The following FMNL2 variants were observed in gnomAD, a reference collection of about 807,000 sequenced individuals.
FMNL2 encodes the protein formin like 2, also known as formin-like protein 2.
FMNL2 carries 51 observed loss-of-function variants against 130.2 expected under a neutral mutation model. That is an observed-to-expected ratio of 0.39 (90% CI 0.31 to 0.49). The LOEUF (loss-of-function observed/expected upper bound fraction) is 0.49. Ranked by LOEUF, FMNL2 falls within the 20% of genes least tolerant of loss-of-function variation. The pLI, the probability that FMNL2 is intolerant of heterozygous loss-of-function variation, is 0.85. For missense variants in FMNL2, 977 were observed against 1,316.2 expected (o/e 0.74, Z 3.99); for synonymous variants, 465 against 467.1 (o/e 1.00, Z 0.06).
chr2:152,349,256 G>A (rs1171382098), intron 1 of FMNL2, among the ~76,000 whole-genome samples: 2 of 152,224 alleles, frequency 1.3e-5, no homozygotes, highest in Admixed American at 1.3e-4. Context: ...ACTCCGGGGT[G>A]CATTCCACTG....
intron 10 of FMNL2, among the ~76,000 whole-genome samples, chr2:152,610,992 G>T (rs1469435118): frequency 6.6e-6 from 1 of 152,200 alleles, no homozygotes; most frequent in African/African-American, 2.4e-5. Flanking sequence ...TGGGTGCGAA[G>T]TGGTGTCTTA....
intron 10 of FMNL2, among the ~76,000 whole-genome samples, chr2:152,609,022 A>G (rs960648728): frequency 3.9e-5 from 6 of 152,148 alleles, no homozygotes; most frequent in Admixed American, 6.5e-5. Flanking sequence ...GTCACAGTCC[A>G]CACCATTCCC....
chr2:152,430,386 A>G (rs1304190988), intron 1 of FMNL2, among the ~76,000 whole-genome samples: 1 of 152,192 alleles, frequency 6.6e-6, no homozygotes, highest in African/African-American at 2.4e-5. Context: ...GTTATAGGCA[A>G]AATGAACATT....
chr2:152,453,743 G>A (rs556733601), intron 1 of FMNL2, among the ~76,000 whole-genome samples: 3 of 152,306 alleles, frequency 2.0e-5, no homozygotes, highest in Non-Finnish European at 4.4e-5. Context: ...CATGCTGTCT[G>A]CGAGGGCACA....
At chr2:152,432,037 T>C (rs1452502876) in intron 1 of FMNL2, among the ~76,000 whole-genome samples, 1 of 151,096 alleles carries the variant, frequency 6.6e-6, no homozygotes, top group African/African-American at 2.4e-5. Flanking sequence ...TGAGAAAATA[T>C]TTTATTCCTC....
chr2:152,460,895 A>G (rs1689198521), intron 1 of FMNL2, among the ~76,000 whole-genome samples: 1 of 152,230 alleles, frequency 6.6e-6, no homozygotes, highest in South Asian at 2.1e-4. Context: ...TTGTATAATT[A>G]TTTCGTTATA....
intron 1 of FMNL2, among the ~76,000 whole-genome samples, chr2:152,364,595 TTAATC>T (rs1441304872): frequency 6.6e-6 from 1 of 152,192 alleles, no homozygotes; most frequent in African/African-American, 2.4e-5. Context: ...TTCCAATACA[TTAATC>T]TATTTAGATA....
intron 1 of FMNL2, among the ~76,000 whole-genome samples, chr2:152,462,932 C>A (rs1244079453): frequency 6.6e-6 from 1 of 152,102 alleles, no homozygotes; most frequent in African/African-American, 2.4e-5. Context: ...AAGAATGTTT[C>A]TTTTGATATT....
intron 9 of FMNL2, among the ~76,000 whole-genome samples, chr2:152,606,182 G>C (rs1450309442): frequency 6.6e-6 from 1 of 152,162 alleles, no homozygotes; most frequent in Non-Finnish European, 1.5e-5. Flanking sequence ...GGATTGACCT[G>C]AGTTATCCCT....
chr2:152,462,551 C>A (rs1402564365), intron 1 of FMNL2, among the ~76,000 whole-genome samples: 1 of 152,168 alleles, frequency 6.6e-6, no homozygotes, highest in East Asian at 1.9e-4. Flanking sequence ...ATTATAAATT[C>A]TCCACAAATC....
chr2:152,508,868 G>T (rs543357267), intron 1 of FMNL2, among the ~76,000 whole-genome samples: 1 of 151,582 alleles, frequency 6.6e-6, no homozygotes, highest in South Asian at 2.1e-4. Flanking sequence ...TCTCTGTCTT[G>T]CATGCATGCT....
At chr2:152,466,246 G>A (rs1050386033) in intron 1 of FMNL2, among the ~76,000 whole-genome samples, 2 of 152,180 alleles carry the variant, frequency 1.3e-5, no homozygotes, top group Admixed American at 6.5e-5. Flanking sequence ...CCTCCTGCCC[G>A]CTGCGGGGGA....
chr2:152,509,737 C>CTTTT (rs138976882), intron 1 of FMNL2, among the ~76,000 whole-genome samples: 666 of 58,660 alleles, frequency 0.011, 180 homozygotes, highest in African/African-American at 0.031. Flanking sequence ...TACTCTGGAC[C>CTTTT]TTTTTTTTTT....
intron 2 of FMNL2, among the ~76,000 whole-genome samples, chr2:152,541,852 T>C (rs1359124971): frequency 6.6e-6 from 1 of 152,044 alleles, no homozygotes; most frequent in Non-Finnish European, 1.5e-5. Context: ...TAGTATACCA[T>C]TGTATGAACG....
At chr2:152,361,181 T>TA (rs1683149298) in intron 1 of FMNL2, among the ~76,000 whole-genome samples, 3 of 152,214 alleles carry the variant, frequency 2.0e-5, no homozygotes, top group South Asian at 2.1e-4. Flanking sequence ...TTTTTTATTC[T>TA]TTGATAACTT....
intron 1 of FMNL2, among the ~76,000 whole-genome samples, chr2:152,388,509 C>T (rs1221704488): frequency 6.6e-6 from 1 of 152,076 alleles, no homozygotes; most frequent in Non-Finnish European, 1.5e-5. Flanking sequence ...CCTAACTACC[C>T]CCGTGATTCA....
At chr2:152,445,905 C>T (rs1047903117) in intron 1 of FMNL2, among the ~76,000 whole-genome samples, 2 of 152,208 alleles carry the variant, frequency 1.3e-5, no homozygotes, top group Non-Finnish European at 2.9e-5. Context: ...CATCCCTAAA[C>T]CACACTGGCT....
chr2:152,568,191 G>A (rs1273787331), intron 6 of FMNL2, among the ~76,000 whole-genome samples: 1 of 128,018 alleles, frequency 7.8e-6, no homozygotes, highest in East Asian at 2.2e-4. Context: ...GACATTACTG[G>A]GTGAGCAACG....
In FMNL2 at chr2:152,535,273, G is replaced by A. The variant is rs778627721; in HGVS notation, c.202-7466G>A. Among the ~76,000 whole-genome samples, 7 of 152,236 alleles carry A rather than the reference G, an allele frequency of 4.6e-5. No homozygotes were observed. In the East Asian group the frequency reaches 1.4e-3, roughly 29 times the overall value. ...CTCCTTTCTCTGCTTTTGTTCCCAT[G>A]TTCCTGATCTGGAAAACTCCTCTGT... On this transcript the variant is annotated intron_variant, in intron 2 of 25. Coordinates refer to ENST00000288670, the MANE Select transcript of FMNL2 (RefSeq NM_052905.4).
Sources: allele counts gnomAD v4.1 joint callset (sites outside exome capture counted in the v4.1 genomes callset), GRCh38; gene constraint gnomAD v4.1.1; transcripts MANE v1.5; gene names NCBI Gene and HGNC (gene_info 2026-07-23, HGNC 2026-07-21).